USH2A: variants seen among roughly 807,000 people sequenced by gnomAD.
USH2A encodes Usher syndrome 2A (autosomal recessive, mild).
A neutral mutation model predicts 538.9 loss-of-function variants in USH2A; 443 were observed. The ratio of observed to expected loss-of-function variants is 0.82; its 90% CI spans 0.76 to 0.89. The LOEUF is 0.89. USH2A is among the 40% of genes least tolerant of loss of function. The probability of loss-of-function intolerance (pLI) is 0.00; values close to 1 mark genes in which losing one functional copy is unlikely to be tolerated. For synonymous variants in USH2A, 2,413 were observed against 2,273.5 expected (o/e 1.06, Z -1.75); for missense variants, 6,633 against 6,324.8 (o/e 1.05, Z -1.65).
chr1:215,700,167 G>A (rs530515399), intron 61 of USH2A, among the ~76,000 whole-genome samples: 95 of 152,216 alleles, frequency 6.2e-4, no homozygotes, highest in African/African-American at 1.5e-3. Flanking sequence ...TGACCCGATC[G>A]TGGTGGATAA....
chr1:215,634,373 C>T, intron 70 of USH2A, 86 bp downstream of exon 70: 3 of 1,599,738 alleles, frequency 1.9e-6, no homozygotes, highest in Non-Finnish European at 2.6e-6. Context: ...TCCTTGTTAC[C>T]ATGGCTATGA....
At chr1:215,726,443 A>G (rs1659819503) in intron 61 of USH2A, among the ~76,000 whole-genome samples, 1 of 152,204 alleles carries the variant, frequency 6.6e-6, no homozygotes, top group Non-Finnish European at 1.5e-5. Context: ...ATATGAGAAA[A>G]TTAAACATGA....
Position 215,671,265 on chromosome 1 carries a change from T to C in USH2A, c.13840A>G (p.Thr4614Ala). 6.2e-7 allele frequency: 1 copy of C among 1,613,952 alleles called. No homozygotes were observed. The highest frequency in any genetic ancestry group is 8.5e-7 in the Non-Finnish European group (1 of 1,179,974). The change falls in exon 64 of 72, where the codon ACC (threonine) becomes GCC (alanine). Residue 4614 changes from threonine (T) to alanine (A), a missense_variant. Coordinates refer to ENST00000307340, the MANE Select transcript of USH2A (RefSeq NM_206933.4). ...CAGTCACTTGATGCACATCCCAGGGTGGTGCACGCTTGAATTCGTATTTCA... is the reference window on the plus strand; with the variant it reads ...CAGTCACTTGATGCACATCCCAGGGCGGTGCACGCTTGAATTCGTATTTCA... ...RYEIRIQACT[T>A]LGCASSDWTF...
At chr1:216,238,830 G>A (rs552181253) in intron 13 of USH2A, among the ~76,000 whole-genome samples, 3 of 152,234 alleles carry the variant, frequency 2.0e-5, no homozygotes, top group African/African-American at 7.2e-5. Context: ...GGAGGCAGAA[G>A]TCCTTAAGCT....
chr1:216,017,597 T>C (rs1199824232), intron 32 of USH2A, among the ~76,000 whole-genome samples: 1 of 152,180 alleles, frequency 6.6e-6, no homozygotes, highest in Non-Finnish European at 1.5e-5. Flanking sequence ...GCAACAGAAG[T>C]TAATAATGAG....
intron 42 of USH2A, 47 bp from the exon 43 acceptor site, chr1:215,877,927 T>C (rs898042953): frequency 1.2e-6 from 2 of 1,612,524 alleles, no homozygotes; most frequent in African/African-American, 1.3e-5. Flanking sequence ...TCAACTCATA[T>C]TGAGATTACC....
chr1:216,057,574 C>A (rs12085945), intron 30 of USH2A, among the ~76,000 whole-genome samples: 4,965 of 152,156 alleles, frequency 0.033, 98 homozygotes, highest in South Asian at 0.069. Flanking sequence ...GTAGTCCCAG[C>A]TACTTGGGAA....
chr1:215,982,201 C>T (rs1247524423), intron 35 of USH2A, among the ~76,000 whole-genome samples: 1 of 152,164 alleles, frequency 6.6e-6, no homozygotes, highest in Non-Finnish European at 1.5e-5. Flanking sequence ...CATTTCTTGA[C>T]CAACAAAATG....
At chr1:215,817,261 A>T in intron 47 of USH2A, 66 bp from the exon 48 acceptor site, 1 of 1,474,620 alleles carries the variant, frequency 6.8e-7, no homozygotes, top group East Asian at 2.3e-5. Context: ...TATCAGTCTT[A>T]AGTAAAAAGT....
At chr1:216,107,979 T>C (rs2102583071) in intron 21 of USH2A, among the ~76,000 whole-genome samples, 1 of 152,034 alleles carries the variant, frequency 6.6e-6, no homozygotes, top group South Asian at 2.1e-4. Context: ...ATATATGTTG[T>C]AAACTGCAGA....
At chr1:216,252,496 G>A (rs1172738127) in intron 11 of USH2A, among the ~76,000 whole-genome samples, 1 of 152,104 alleles carries the variant, frequency 6.6e-6, no homozygotes, top group Admixed American at 6.5e-5. Context: ...ATATAGTGAA[G>A]GACTTAGAAA....
chr1:216,286,558 CA>C (rs1300246463), intron 11 of USH2A, among the ~76,000 whole-genome samples: 3 of 151,062 alleles, frequency 2.0e-5, no homozygotes, highest in Non-Finnish European at 3.0e-5. Context: ...ACTAAAAATA[CA>C]AAAAAAAGAA....
At chr1:215,900,633 T>A in intron 39 of USH2A, 122 bp downstream of exon 39, 1 of 1,282,734 alleles carries the variant, frequency 7.8e-7, no homozygotes, top group South Asian at 1.3e-5. Context: ...TTGTTTGGGG[T>A]TTTTTTGTAC....
At chr1:216,351,073 A>G (rs894892573) in intron 4 of USH2A, among the ~76,000 whole-genome samples, 55 of 152,268 alleles carry the variant, frequency 3.6e-4, no homozygotes, top group African/African-American at 1.3e-3. Context: ...TACTTGGAAA[A>G]TATGTATTGA....
At chr1:215,773,094 T>C (rs923955423) in intron 55 of USH2A, among the ~76,000 whole-genome samples, 4 of 152,292 alleles carry the variant, frequency 2.6e-5, no homozygotes, top group East Asian at 1.9e-4. Flanking sequence ...GTAAGCCTTT[T>C]CTTTTTAGTA....
chr1:215,680,306 G>T lies in USH2A; in HGVS notation c.12137C>A (p.Ala4046Glu). 1 of 1,614,086 alleles carries T rather than the reference G, an allele frequency of 6.2e-7. No homozygotes were observed. Among genetic ancestry groups the T allele is most frequent in the Non-Finnish European group, 8.5e-7 (1 of 1,179,994 alleles). Residue 4046 changes from alanine to glutamate, a missense_variant, in exon 62 of 72, where the codon GCA (alanine) becomes GAA (glutamate). Ala to Glu is a moderately radical substitution (Grantham distance 107, BLOSUM62 -1). Transcript: ENST00000307340. Reference protein sequence around the residue: ...FTTYRIGVVAANHAGEILSPW... With the variant: ...FTTYRIGVVAENHAGEILSPW... ...GCTTAAAATTTCTCCTGCATGGTTT[G>T]CAGCCACAACACCAATGCGATATGT... is the stretch of plus-strand genomic sequence containing the variant.
chr1:215,837,493 T>G (rs531303844), intron 47 of USH2A, among the ~76,000 whole-genome samples: 1 of 152,286 alleles, frequency 6.6e-6, no homozygotes, highest in Middle Eastern at 3.4e-3. Context: ...CTATGGTCAT[T>G]TCTCAGCAAC....
At chr1:215,825,898 T>A (rs1571723225) in intron 47 of USH2A, among the ~76,000 whole-genome samples, 1 of 152,312 alleles carries the variant, frequency 6.6e-6, no homozygotes, top group East Asian at 1.9e-4. Flanking sequence ...CCCATGTTCT[T>A]TTAATAAAAA....
chr1:216,109,977 C>A (rs1271560875), intron 21 of USH2A, among the ~76,000 whole-genome samples: 2 of 151,924 alleles, frequency 1.3e-5, no homozygotes, highest in Admixed American at 6.6e-5. Flanking sequence ...TAAAGATATA[C>A]CTGTATTTTC....
Sources: allele counts gnomAD v4.1 joint callset (sites outside exome capture counted in the v4.1 genomes callset), GRCh38; gene constraint gnomAD v4.1.1; transcripts MANE v1.5; gene names NCBI Gene and HGNC (gene_info 2026-07-23, HGNC 2026-07-21).